Variants in PCNT observed in about 807,000 individuals in gnomAD.
PCNT encodes kendrin.
PCNT carries 319 observed loss-of-function variants against 380.4 expected under a neutral mutation model. That is an observed-to-expected ratio of 0.84 (90% confidence interval 0.77 to 0.92). PCNT has a LOEUF of 0.92. Among genes scored for constraint, PCNT ranks in the 40% least tolerant of loss-of-function variants. The probability of loss-of-function intolerance (pLI) is 0.00; values close to 1 mark genes in which losing one functional copy is unlikely to be tolerated. For synonymous variants in PCNT, 1,845 were observed against 1,735.2 expected (o/e 1.06, Z -1.57); for missense variants, 4,400 against 4,255.3 (o/e 1.03, Z -0.95).
chr21:46,396,707 G>A (rs942222392), intron 21 of PCNT, among the ~76,000 whole-genome samples: 1 of 152,202 alleles, frequency 6.6e-6, no homozygotes, highest in African/African-American at 2.4e-5. Context: ...GGATTCAAGT[G>A]ATTCTCCTGC....
rs368402639 is a variant in PCNT, at chr21:46,391,231, C to T, written c.4071C>T (p.Ser1357=). 22 of 1,608,680 alleles carry T rather than the reference C, an allele frequency of 1.4e-5. No homozygotes were observed. Among genetic ancestry groups the T allele is most frequent in the East Asian group, 6.7e-5 (3 of 44,726 alleles). The change falls in exon 21 of 47, where the codon TCC becomes TCT. Residue 1357 remains serine, a synonymous_variant. Coordinates refer to ENST00000359568, the MANE Select transcript of PCNT (RefSeq NM_006031.6). ...AGGTGCTGGCCGGGAAGGAGGATTC[C>T]GAGCACCGTCTGGTGCTGGAGCTGG... ...LKEVLAGKED[S]EHRLVLELES... is the part of the protein sequence containing the mutation.
At chr21:46,325,076 A>G in intron 1 of PCNT, 2 of 985,500 alleles carry the variant, frequency 2.0e-6, no homozygotes, top group Non-Finnish European at 1.2e-6. Context: ...TTCTCCGTGA[A>G]AAAGCGCTCG....
chr21:46,338,357 G>A (rs1212564303), intron 3 of PCNT, among the ~76,000 whole-genome samples: 1 of 152,118 alleles, frequency 6.6e-6, no homozygotes, highest in Admixed American at 6.6e-5. Flanking sequence ...TTGTTCTATG[G>A]TTTTGCCTTT....
intron 21 of PCNT, chr21:46,394,517 T>C: frequency 2.0e-6 from 2 of 985,254 alleles, no homozygotes; most frequent in Non-Finnish European, 2.4e-6. Context: ...CAGCTGTCAC[T>C]GCAGCACACA....
rs1047887813 is a variant in PCNT at position 46,413,969 on chromosome 21, G to A, written c.6150+977G>A. ...CTCTCCTCAGGCCGCATCAGGTGCA[G>A]ATGGCACCTTTATTTTTTTTCTCTC... On this transcript the variant is annotated intron_variant, in intron 29 of 46. Coordinates refer to ENST00000359568, the MANE Select transcript of PCNT (RefSeq NM_006031.6). Among the ~76,000 whole-genome samples, 4 of 150,926 alleles carry A rather than the reference G, an allele frequency of 2.7e-5. No individual in the cohort carries two copies. In the South Asian group the frequency reaches 6.3e-4, roughly 24 times the overall value.
chr21:46,443,866 C>G lies in PCNT; in HGVS notation c.9757C>G (p.Arg3253Gly), dbSNP rs201316266. The G allele has an allele frequency of 6.2e-7, 1 of 1,613,286 alleles. No individual in the cohort carries two copies. Among genetic ancestry groups the G allele is most frequent in the South Asian group, 1.1e-5 (1 of 91,046 alleles). ...CAGAACCAGAGAGTCCCCCCCAACC[C>G]GGGATGTACCCTCTGGCCACACCAG... ...PPRTRESPPT[R>G]DVPSGHTRDP... The change falls in exon 45 of 47, where the codon CGG becomes GGG. Residue 3253 changes from arginine (R) to glycine (G), a missense_variant. By Grantham distance (125) the Arg-to-Gly change is moderately radical (BLOSUM62 -2). Coordinates refer to ENST00000359568, the MANE Select transcript of PCNT (RefSeq NM_006031.6).
At chr21:46,334,336 G>T (rs1462445575) in intron 2 of PCNT, 61 bp from the exon 3 acceptor site, 1 of 1,612,044 alleles carries the variant, frequency 6.2e-7, no homozygotes, top group Non-Finnish European at 8.5e-7. Context: ...GCTGGGAAGG[G>T]CCTGAGGCTG....
intron 13 of PCNT, among the ~76,000 whole-genome samples, chr21:46,360,568 G>C (rs1274411905): frequency 7.0e-6 from 1 of 141,880 alleles, no homozygotes; most frequent in African/African-American, 2.6e-5. Flanking sequence ...GCCCAGGCTG[G>C]AGTGCAGTGG....
chr21:46,360,592 C>G (rs2084676428), intron 13 of PCNT, among the ~76,000 whole-genome samples: 1 of 149,914 alleles, frequency 6.7e-6, no homozygotes, highest in Non-Finnish European at 1.5e-5. Flanking sequence ...GATATCCGCC[C>G]ACTGCAAGCT....
intron 29 of PCNT, among the ~76,000 whole-genome samples, chr21:46,413,993 TC>T (rs1176293725): frequency 9.6e-6 from 1 of 104,372 alleles, no homozygotes; most frequent in East Asian, 2.8e-4. Flanking sequence ...TTTTTTTCTC[TC>T]TTTTTTTTTT....
intron 2 of PCNT, 22 bp downstream of exon 2, chr21:46,326,611 T>G: frequency 6.3e-7 from 1 of 1,597,502 alleles, no homozygotes; most frequent in Non-Finnish European, 8.6e-7. Flanking sequence ...CAATGTTGTA[T>G]TTGAACATTT....
intron 39 of PCNT, 115 bp from the exon 40 acceptor site, chr21:46,436,864 C>A: frequency 1.2e-6 from 1 of 801,768 alleles, no homozygotes; most frequent in Non-Finnish European, 2.1e-6. Context: ...GTGATTCACA[C>A]ACAGGCTCCT....
intron 14 of PCNT, 150 bp downstream of exon 14, chr21:46,364,084 T>A (rs1371779606): frequency 7.0e-6 from 5 of 710,322 alleles, no homozygotes; most frequent in Non-Finnish European, 1.2e-5. Context: ...GCTCTAGGTT[T>A]TCAGCCTAAT....
intron 29 of PCNT, among the ~76,000 whole-genome samples, chr21:46,414,880 C>T (rs1336636798): frequency 6.6e-6 from 1 of 152,126 alleles, no homozygotes; most frequent in African/African-American, 2.4e-5. Flanking sequence ...GGACACACAG[C>T]CACCCACCCT....
intron 2 of PCNT, among the ~76,000 whole-genome samples, chr21:46,331,608 A>G (rs1227311390): frequency 1.3e-5 from 2 of 152,012 alleles, no homozygotes; most frequent in African/African-American, 4.8e-5. Flanking sequence ...TCTATGAAAA[A>G]TATAAAAATT....
At chr21:46,444,010 C>A in intron 45 of PCNT, 62 bp downstream of exon 45, 2 of 1,545,066 alleles carry the variant, frequency 1.3e-6, no homozygotes, top group Non-Finnish European at 1.8e-6. Context: ...CTACATAGGG[C>A]CTCAGAGAAA....
rs1224120794 is a variant in PCNT, at chr21:46,404,185, C to G, written c.5115+1702C>G. Reference sequence around the variant, plus strand: ...GCGCGTGCTCGGTGAATGAACACAGCGTGGGAATGCTCCCTGAGTGAACAC... The same window carrying G: ...GCGCGTGCTCGGTGAATGAACACAGGGTGGGAATGCTCCCTGAGTGAACAC... On this transcript the variant is annotated intron_variant, in intron 27 of 46. Transcript: ENST00000359568. 3.3e-5 allele frequency among the ~76,000 whole-genome samples: 5 copies of G among 151,534 alleles called. No homozygotes were observed. In the East Asian group the frequency reaches 9.8e-4, roughly 30 times the overall value.
rs559868001 is a variant in PCNT, at chr21:46,425,697, G to T, written c.7180-134G>T. The T allele has an allele frequency of 2.1e-5, 27 of 1,284,196 alleles. No homozygotes were observed. Among genetic ancestry groups the T allele is most frequent in the East Asian group, 9.3e-5 (4 of 42,978 alleles). 79.6% of individuals were successfully genotyped at this position (1,284,196 alleles called of 1,614,324 possible). On this transcript the variant is annotated intron_variant, in intron 32 of 46. Coordinates refer to ENST00000359568, the MANE Select transcript of PCNT (RefSeq NM_006031.6). The surrounding 1 kb of genome is among the most constrained non-coding windows in gnomAD (Gnocchi z 4.2). Reference sequence around the variant, plus strand: ...AAGTGGGTGCCGCCTGTACGAAGCCGAGGCGGTGCCCTCCCTCTCCACAGC... The same window carrying T: ...AAGTGGGTGCCGCCTGTACGAAGCCTAGGCGGTGCCCTCCCTCTCCACAGC...
chr21:46,367,877 C>T (rs1433609391), intron 15 of PCNT, among the ~76,000 whole-genome samples: 1 of 152,188 alleles, frequency 6.6e-6, no homozygotes, highest in Non-Finnish European at 1.5e-5. Flanking sequence ...TGCTACATTT[C>T]AAGAGCAGTG....
Sources: gnomAD v4.1 joint callset for allele counts (sites outside exome capture counted in the v4.1 genomes callset) on GRCh38, gnomAD v4.1.1 for gene constraint, Gnocchi (gnomAD v3.1) non-coding constraint, MANE v1.5 for transcripts, NCBI Gene and HGNC (gene_info 2026-07-23, HGNC 2026-07-21) for gene names.